The following CREB5 variants were observed in gnomAD, a reference collection of about 807,000 sequenced individuals.
CREB5 encodes cAMP responsive element binding protein 5.
CREB5 carries 19 observed loss-of-function variants against 57.1 expected under a neutral mutation model. The ratio of observed to expected loss-of-function variants is 0.33; its 90% CI spans 0.23 to 0.49. The LOEUF is 0.49. CREB5 is among the 20% of genes least tolerant of loss of function. The probability of loss-of-function intolerance (pLI) is 0.99; values close to 1 mark genes in which losing one functional copy is unlikely to be tolerated. For synonymous variants in CREB5, 238 were observed against 238.3 expected (o/e 1.00, Z 0.01); for missense variants, 579 against 671.6 (o/e 0.86, Z 1.52).
chr7:28,443,528 G>T (rs1431654129), intron 1 of CREB5, among the ~76,000 whole-genome samples: 1 of 152,146 alleles, frequency 6.6e-6, no homozygotes, highest in Non-Finnish European at 1.5e-5. Flanking sequence ...AGTCCATAGA[G>T]GACTGTCTCC....
At chr7:28,377,729 G>A (rs1786863014) in intron 1 of CREB5, among the ~76,000 whole-genome samples, 1 of 151,516 alleles carries the variant, frequency 6.6e-6, no homozygotes, top group Non-Finnish European at 1.5e-5. Flanking sequence ...GCCCTGCCAG[G>A]TATCCTGGCT....
chr7:28,609,308 G>C (rs575772529), intron 5 of CREB5, among the ~76,000 whole-genome samples: 4 of 152,156 alleles, frequency 2.6e-5, no homozygotes, highest in Non-Finnish European at 5.9e-5. Flanking sequence ...TTTGGACAGT[G>C]CTGGGCTGCC....
chr7:28,386,925 G>C (rs528509533), intron 1 of CREB5, among the ~76,000 whole-genome samples: 1 of 152,276 alleles, frequency 6.6e-6, no homozygotes, highest in Admixed American at 6.5e-5. Context: ...TTTTATGGCT[G>C]CATAGTATTC....
chr7:28,697,884 C>T (rs1395036320), intron 5 of CREB5, among the ~76,000 whole-genome samples: 2 of 152,162 alleles, frequency 1.3e-5, no homozygotes, highest in Admixed American at 6.6e-5. Context: ...CTAAATTCAG[C>T]AGGTTCTTGA....
chr7:28,674,631 A>G (rs968116433), intron 5 of CREB5, among the ~76,000 whole-genome samples: 2 of 152,206 alleles, frequency 1.3e-5, no homozygotes, highest in African/African-American at 4.8e-5. Flanking sequence ...CTCTGCCTGT[A>G]TGTCCAAAAC....
rs1182301327 is a variant in CREB5 at position 28,561,017 on chromosome 7, CGTGT to C, written c.292-9344_292-9341del. Among the ~76,000 whole-genome samples the C allele has an allele frequency of 1.1e-3, 34 of 30,448 alleles. 3 individuals carry two copies. Among genetic ancestry groups the C allele is most frequent in the East Asian group, 7.3e-3 (12 of 1,642 alleles). The allele number at this position is 30,448 out of a possible 152,430, so 20.0% of individuals were successfully genotyped here. On this transcript the variant is annotated intron_variant, in intron 4 of 10. Coordinates refer to ENST00000357727, the MANE Select transcript of CREB5 (RefSeq NM_182898.4). ...GTGCCTGCGTGTGCGTGTGTGTGTG[CGTGT>C]GTGCGTGTGTGTGTGTGTGTGTGAA...
At chr7:28,491,468 C>G (rs1012914826) in intron 2 of CREB5, among the ~76,000 whole-genome samples, 2 of 152,052 alleles carry the variant, frequency 1.3e-5, no homozygotes, top group Non-Finnish European at 2.9e-5. Context: ...GGTGAAGGAG[C>G]AGGTCATTTC....
chr7:28,411,476 C>A (rs1041569037), upstream of CREB5, among the ~76,000 whole-genome samples: 2 of 141,878 alleles, frequency 1.4e-5, no homozygotes, highest in African/African-American at 5.3e-5. Flanking sequence ...TGAGTCAGAA[C>A]CTCCGTATCT....
chr7:28,598,325 C>G (rs1397290263), intron 5 of CREB5, among the ~76,000 whole-genome samples: 1 of 152,064 alleles, frequency 6.6e-6, no homozygotes, highest in Non-Finnish European at 1.5e-5. Context: ...ACTGTAAGTC[C>G]AATTAAACCT....
intron 5 of CREB5, among the ~76,000 whole-genome samples, chr7:28,592,193 T>C (rs1332168415): frequency 1.3e-5 from 2 of 152,194 alleles, no homozygotes; most frequent in Non-Finnish European, 2.9e-5. Context: ...CTGTTCCTGT[T>C]TTAATTCGGT....
At chr7:28,793,179 T>A (rs774784810) in intron 7 of CREB5, among the ~76,000 whole-genome samples, 14 of 151,934 alleles carry the variant, frequency 9.2e-5, no homozygotes, top group Non-Finnish European at 1.9e-4. Context: ...CACTTTGAGG[T>A]CTCAGGCAGG....
chr7:28,734,547 CT>C (rs1803865449), intron 7 of CREB5, among the ~76,000 whole-genome samples: 1 of 151,928 alleles, frequency 6.6e-6, no homozygotes, highest in African/African-American at 2.4e-5. Context: ...ATTTCTATTT[CT>C]GGATATTTGA....
intron 1 of CREB5, among the ~76,000 whole-genome samples, chr7:28,461,735 T>G (rs1214552232): frequency 6.6e-6 from 1 of 152,168 alleles, no homozygotes; most frequent in African/African-American, 2.4e-5. Flanking sequence ...CTTTTTCATT[T>G]AAATAAATTA....
intron 5 of CREB5, among the ~76,000 whole-genome samples, chr7:28,648,654 ATTGT>A (rs1799001266): frequency 6.6e-6 from 1 of 152,008 alleles, no homozygotes; most frequent in Admixed American, 6.6e-5. Flanking sequence ...AGGTGGGAGG[ATTGT>A]TTGAACCCAA....
upstream of CREB5, chr7:28,409,970 C>A (rs980194393): frequency 6.6e-6 from 3 of 454,898 alleles, no homozygotes; most frequent in Non-Finnish European, 8.8e-6. The surrounding 1 kb of genome is among the most constrained non-coding windows in gnomAD (Gnocchi z 4.4). Flanking sequence ...GAACCTCCCC[C>A]CGCGTCCCCA....
chr7:28,696,060 T>C (rs1179242439), intron 5 of CREB5, among the ~76,000 whole-genome samples: 1 of 152,194 alleles, frequency 6.6e-6, no homozygotes, highest in African/African-American at 2.4e-5. Flanking sequence ...CATCTGACAG[T>C]GCAGTGGAGC....
At position 28,486,883 on chromosome 7, in the gene CREB5, T is replaced by G. The variant is rs1456210304; in HGVS notation, c.4-1292T>G. Among the ~76,000 whole-genome samples the G allele has an allele frequency of 2.0e-5, 3 of 151,464 alleles. No individual in the cohort carries two copies. In the East Asian group the frequency reaches 5.9e-4, roughly 30 times the overall value. Reference sequence around the variant, plus strand: ...ATTTTGGGAGGCCAAGATGAGAGGATTGCTTGAGTTCAGGAGTTTGAGACC... The same window carrying G: ...ATTTTGGGAGGCCAAGATGAGAGGAGTGCTTGAGTTCAGGAGTTTGAGACC... On this transcript the variant is annotated intron_variant, in intron 1 of 10. Coordinates refer to ENST00000357727, the MANE Select transcript of CREB5 (RefSeq NM_182898.4).
At position 28,819,481 on chromosome 7, in the gene CREB5, AT is replaced by A. The variant is rs1319444350; in HGVS notation, c.*203del. 1.9e-6 allele frequency: 1 copy of A among 525,948 alleles called. No individual in the cohort carries two copies. Among genetic ancestry groups the A allele is most frequent in the Non-Finnish European group, 3.2e-6 (1 of 312,616 alleles). The allele number at this position is 525,948 out of a possible 1,614,324, so 32.6% of individuals were successfully genotyped here. On this transcript the variant is annotated 3_prime_UTR_variant, in exon 11 of 11. Coordinates refer to ENST00000357727, the MANE Select transcript of CREB5 (RefSeq NM_182898.4). ...AAAGGGAGTTATGCAATTAATATCT[AT>A]CAGCTTGGGAAACGCTTTGGTGCTT...
chr7:28,455,045 G>T (rs6462086), intron 1 of CREB5, among the ~76,000 whole-genome samples: 45,134 of 152,126 alleles, frequency 0.3, 7,534 homozygotes, highest in East Asian at 0.58. Flanking sequence ...CTTCTGTTCT[G>T]TTTATCAAAT....
Sources: allele counts gnomAD v4.1 joint callset (sites outside exome capture counted in the v4.1 genomes callset), GRCh38; gene constraint gnomAD v4.1.1; non-coding constraint Gnocchi (gnomAD v3.1); transcripts MANE v1.5; gene names NCBI Gene and HGNC (gene_info 2026-07-23, HGNC 2026-07-21).